ADAMTS12: variants seen among roughly 807,000 people sequenced by gnomAD.
ADAMTS12 encodes ADAM metallopeptidase with thrombospondin type 1 motif 12.
In ADAMTS12, 118 loss-of-function variants were observed where a neutral mutation model predicts 167.8. The observed-to-expected ratio is 0.70, with a 90% CI of 0.61 to 0.82. The LOEUF (loss-of-function observed/expected upper bound fraction) is 0.82. Among genes scored for constraint, ADAMTS12 ranks in the 40% least tolerant of loss-of-function variants. The pLI is 0.00. For missense variants in ADAMTS12, 1,916 were observed against 1,998.8 expected, an observed-to-expected ratio of 0.96 and a Z score of 0.79; for synonymous variants, 704 against 716.9, an observed-to-expected ratio of 0.98 and a Z score of 0.29.
chr5:33,576,015 T>C, intron 19 of ADAMTS12, 39 bp downstream of exon 19: 1 of 1,561,152 alleles, frequency 6.4e-7, no homozygotes, highest in Non-Finnish European at 8.6e-7. Flanking sequence ...CCTAGCTTTT[T>C]TCCATGTAAA....
chr5:33,593,378 C>A (rs1157342995), intron 17 of ADAMTS12, among the ~76,000 whole-genome samples: 3 of 152,278 alleles, frequency 2.0e-5, no homozygotes, highest in South Asian at 2.1e-4. Context: ...GCAAACAGAT[C>A]TGGGTTCAAA....
chr5:33,588,535 G>C, intron 18 of ADAMTS12, 64 bp downstream of exon 18: 1 of 1,580,396 alleles, frequency 6.3e-7, no homozygotes, highest in Non-Finnish European at 8.7e-7. Context: ...TGGATAATGA[G>C]AAGGAAGGCA....
In ADAMTS12 at chr5:33,891,787, G is replaced by C; in HGVS notation, c.70C>G (p.Leu24Val). Residue 24 changes from leucine to valine, a missense_variant, in exon 1 of 24, where the codon CTT becomes GTT. By Grantham distance (32) the Leu-to-Val change is conservative (BLOSUM62 1). Transcript: ENST00000504830. ...VVAQLLNFGALCYGRQPQPGP... is the reference protein window; with the variant it reads ...VVAQLLNFGAVCYGRQPQPGP... ...GGCTGAGGCTGTCTCCCATAGCAAA[G>C]CGCCCCAAAGTTAAGGAGCTGAGCC... 6 of 1,614,212 alleles carry C rather than the reference G, an allele frequency of 3.7e-6. No homozygotes were observed. The highest frequency in any genetic ancestry group is 5.1e-6 in the Non-Finnish European group (6 of 1,180,030).
intron 10 of ADAMTS12, 112 bp from the exon 11 acceptor site, chr5:33,642,067 C>A (rs1740480802): frequency 3.6e-6 from 4 of 1,111,048 alleles, no homozygotes; most frequent in Non-Finnish European, 5.0e-6. Context: ...CGGCTTTCTA[C>A]AGTCACATAT....
chr5:33,636,929 G>A (rs1487973468), intron 12 of ADAMTS12, among the ~76,000 whole-genome samples: 1 of 152,090 alleles, frequency 6.6e-6, no homozygotes, highest in East Asian at 1.9e-4. Context: ...CATCCCTCCT[G>A]TGCAACATTC....
chr5:33,550,185 C>T (rs1000254845), intron 20 of ADAMTS12, among the ~76,000 whole-genome samples: 2 of 152,204 alleles, frequency 1.3e-5, no homozygotes, highest in East Asian at 3.9e-4. Context: ...ACTGATGGGT[C>T]TGGGTCACCT....
At chr5:33,601,535 G>A (rs886258312) in intron 16 of ADAMTS12, among the ~76,000 whole-genome samples, 1 of 152,108 alleles carries the variant, frequency 6.6e-6, no homozygotes, top group Non-Finnish European at 1.5e-5. Context: ...AGGGAATAAA[G>A]CGAACTCAAC....
At chr5:33,573,318 C>T (rs151336217) in intron 19 of ADAMTS12, among the ~76,000 whole-genome samples, 634 of 128,624 alleles carry the variant, frequency 4.9e-3, no homozygotes, top group South Asian at 7.2e-3. Flanking sequence ...AAGAACAAAG[C>T]CAGAGGCATC....
chr5:33,792,321 T>C (rs1746606864), intron 2 of ADAMTS12, among the ~76,000 whole-genome samples: 1 of 152,176 alleles, frequency 6.6e-6, no homozygotes, highest in South Asian at 2.1e-4. Flanking sequence ...GTCCGCTAGA[T>C]TGGTAGCAAA....
chr5:33,555,253 A>AT lies in ADAMTS12; in HGVS notation c.4125+5773dup, dbSNP rs202101925. 8.3e-3 allele frequency among the ~76,000 whole-genome samples: 1,260 copies of AT among 151,306 alleles called. 18 individuals carry two copies. Among genetic ancestry groups the AT allele is most frequent in the African/African-American group, 0.027 (1,131 of 41,232 alleles). The stretch of plus-strand genomic sequence containing the variant: ...GAAGAATCACTTTTTCTCCCATATG[A>AT]TTTTTTTTTAAGATGGGGTCTCACT... On this transcript the variant is annotated intron_variant, in intron 20 of 23. Coordinates refer to ENST00000504830, the MANE Select transcript of ADAMTS12 (RefSeq NM_030955.4).
intron 19 of ADAMTS12, among the ~76,000 whole-genome samples, chr5:33,573,131 T>C (rs1746478524): frequency 6.6e-6 from 1 of 152,140 alleles, no homozygotes; most frequent in Admixed American, 6.5e-5. Flanking sequence ...GATTCCATGC[T>C]CATGGGTAGG....
intron 16 of ADAMTS12, among the ~76,000 whole-genome samples, chr5:33,604,806 G>A (rs1405126771): frequency 6.6e-6 from 1 of 152,054 alleles, no homozygotes; most frequent in Non-Finnish European, 1.5e-5. Context: ...ACAGACAGAA[G>A]ATGGGAGAAA....
intron 2 of ADAMTS12, among the ~76,000 whole-genome samples, chr5:33,779,055 G>A (rs774733909): frequency 8.5e-5 from 13 of 152,118 alleles, no homozygotes; most frequent in Non-Finnish European, 1.9e-4. Flanking sequence ...CACGCTGTTA[G>A]TGGGGATGTA....
intron 3 of ADAMTS12, 120 bp downstream of exon 3, chr5:33,751,284 T>TTA (rs1554040102): frequency 3.1e-6 from 3 of 968,140 alleles, no homozygotes; most frequent in African/African-American, 3.3e-5. Context: ...ATGAAGATAT[T>TTA]AAAAAAAAAA....
intron 2 of ADAMTS12, among the ~76,000 whole-genome samples, chr5:33,788,942 A>G (rs1746430587): frequency 6.6e-6 from 1 of 152,188 alleles, no homozygotes; most frequent in African/African-American, 2.4e-5. Flanking sequence ...CACAGTGCTC[A>G]GCAGAGGTTC....
At chr5:33,729,820 T>C (rs921846737) in intron 3 of ADAMTS12, among the ~76,000 whole-genome samples, 1 of 152,222 alleles carries the variant, frequency 6.6e-6, no homozygotes, top group African/African-American at 2.4e-5. Context: ...TGGCAGTGGC[T>C]GAGATTGATA....
At position 33,645,673 on chromosome 5, in the gene ADAMTS12, T is replaced by C. The variant is rs562790868; in HGVS notation, c.1480-2203A>G. 2.2e-4 allele frequency among the ~76,000 whole-genome samples: 34 copies of C among 152,338 alleles called. No individual in the cohort carries two copies. The South Asian group carries it at 5.0e-3, about 22-fold the overall frequency. ...CGAATGGTACACAGAAACTTTGTAC[T>C]ATTTTTTTCAATTTTTTGGAGTTTA... On this transcript the variant is annotated intron_variant, in intron 9 of 23. Coordinates refer to ENST00000504830, the MANE Select transcript of ADAMTS12 (RefSeq NM_030955.4).
chr5:33,616,052 T>G lies in ADAMTS12; in HGVS notation c.2164A>C (p.Ile722Leu). The G allele has an allele frequency of 6.2e-7, 1 of 1,614,078 alleles. No individual in the cohort carries two copies. The highest frequency in any genetic ancestry group is 8.5e-7 in the Non-Finnish European group (1 of 1,179,986). The stretch of plus-strand genomic sequence containing the variant: ...CTTATGTCCCTTGCTCCTTTTGGAA[T>G]GAGCCCAATGTCAACATAACCTAAA... ...EGSGYVDIGL[I>L]PKGARDIRVM... Residue 722 changes from isoleucine to leucine, a missense_variant, in exon 15 of 24, where the codon ATT becomes CTT. Coordinates refer to ENST00000504830, the MANE Select transcript of ADAMTS12 (RefSeq NM_030955.4).
chr5:33,817,237 T>A (rs1354246349), intron 2 of ADAMTS12, among the ~76,000 whole-genome samples: 1 of 152,148 alleles, frequency 6.6e-6, no homozygotes, highest in Non-Finnish European at 1.5e-5. Flanking sequence ...GTAGTCTATG[T>A]TTTACAAGAG....
Sources: allele counts gnomAD v4.1 joint callset (sites outside exome capture counted in the v4.1 genomes callset), GRCh38; gene constraint gnomAD v4.1.1; transcripts MANE v1.5; gene names NCBI Gene and HGNC (gene_info 2026-07-23, HGNC 2026-07-21).